The following PXDNL variants were observed in gnomAD, a reference collection of about 807,000 sequenced individuals.
PXDNL encodes peroxidasin like.
In PXDNL, 145 loss-of-function variants were observed where a neutral mutation model predicts 150.8. The ratio of observed to expected loss-of-function variants is 0.96; its 90% confidence interval spans 0.84 to 1.10. PXDNL has a LOEUF of 1.10. PXDNL is among the 50% of genes least tolerant of loss of function. PXDNL has a pLI of 0.00. For missense variants in PXDNL, 2,087 were observed against 1,873.9 expected (o/e 1.11, Z -2.10); for synonymous variants, 757 against 725.7 (o/e 1.04, Z -0.69).
intron 21 of PXDNL, among the ~76,000 whole-genome samples, chr8:51,326,815 T>C (rs1805509375): frequency 6.6e-6 from 1 of 152,034 alleles, no homozygotes; most frequent in Admixed American, 6.6e-5. Context: ...CAAATTCAAA[T>C]CTTGAGGTCC....
intron 19 of PXDNL, among the ~76,000 whole-genome samples, chr8:51,363,732 T>C (rs1399436685): frequency 6.6e-6 from 1 of 151,992 alleles, no homozygotes; most frequent in Non-Finnish European, 1.5e-5. Context: ...AGGCAGAAAT[T>C]GGGCATAAGA....
At chr8:51,508,311 T>A (rs1324550314) in intron 4 of PXDNL, among the ~76,000 whole-genome samples, 1 of 152,154 alleles carries the variant, frequency 6.6e-6, no homozygotes, top group African/African-American at 2.4e-5. Flanking sequence ...GTAAGAGAAA[T>A]GTAGAAAAGA....
chr8:51,786,367 C>G (rs1019645213), intron 1 of PXDNL, among the ~76,000 whole-genome samples: 1 of 152,128 alleles, frequency 6.6e-6, no homozygotes, highest in African/African-American at 2.4e-5. Flanking sequence ...CGCCACCACC[C>G]CCAGGTAATT....
chr8:51,688,830 C>T (rs1164224088), intron 1 of PXDNL, among the ~76,000 whole-genome samples: 1 of 152,188 alleles, frequency 6.6e-6, no homozygotes, highest in Non-Finnish European at 1.5e-5. Context: ...ACTACAAAAG[C>T]TAACTTCATT....
chr8:51,749,149 G>A (rs976177159), intron 1 of PXDNL, among the ~76,000 whole-genome samples: 8 of 152,082 alleles, frequency 5.3e-5, no homozygotes, highest in African/African-American at 1.9e-4. Context: ...TAATTATGTA[G>A]TACAAGGAGG....
chr8:51,638,175 T>C (rs902761467), intron 2 of PXDNL, among the ~76,000 whole-genome samples: 10 of 152,170 alleles, frequency 6.6e-5, no homozygotes, highest in African/African-American at 2.2e-4. Context: ...CCACCAGGCC[T>C]GCCCTAAAAG....
At chr8:51,616,026 C>T (rs1814122770) in intron 2 of PXDNL, among the ~76,000 whole-genome samples, 1 of 152,116 alleles carries the variant, frequency 6.6e-6, no homozygotes, top group Non-Finnish European at 1.5e-5. Flanking sequence ...GCAATGGCCC[C>T]ACATGCTAAA....
At chr8:51,760,845 C>CTTTTTTTGTTTT (rs2037154761) in intron 1 of PXDNL, among the ~76,000 whole-genome samples, 1 of 45,476 alleles carries the variant, frequency 2.2e-5, no homozygotes, top group Non-Finnish European at 3.8e-5. Flanking sequence ...ATCACTTAAA[C>CTTTTTTTGTTTT]TTTTTTTTTT....
At chr8:51,437,863 T>A (rs1052062192) in intron 12 of PXDNL, among the ~76,000 whole-genome samples, 2 of 152,096 alleles carry the variant, frequency 1.3e-5, no homozygotes, top group Admixed American at 1.3e-4. Context: ...AAAGAGGAAA[T>A]CAAACTCACT....
At chr8:51,392,170 T>C (rs1424670159) in intron 17 of PXDNL, among the ~76,000 whole-genome samples, 7 of 152,240 alleles carry the variant, frequency 4.6e-5, no homozygotes, top group Non-Finnish European at 8.8e-5. Context: ...AGTCAGGTAG[T>C]GTGATGCCTC....
intron 19 of PXDNL, among the ~76,000 whole-genome samples, chr8:51,356,733 T>C (rs1806521458): frequency 6.6e-6 from 1 of 152,210 alleles, no homozygotes; most frequent in South Asian, 2.1e-4. Flanking sequence ...ACTACAAATT[T>C]AGCATTTGTC....
chr8:51,341,993 T>C (rs537243706), intron 20 of PXDNL, among the ~76,000 whole-genome samples: 2 of 152,212 alleles, frequency 1.3e-5, no homozygotes, highest in South Asian at 2.1e-4. Context: ...ATCAAAGAGA[T>C]GTCTGCACTC....
chr8:51,796,600 T>C (rs985423257), intron 1 of PXDNL, among the ~76,000 whole-genome samples: 1 of 152,078 alleles, frequency 6.6e-6, no homozygotes, highest in African/African-American at 2.4e-5. Flanking sequence ...CCTAGACACA[T>C]ACACCCTTTC....
intron 1 of PXDNL, among the ~76,000 whole-genome samples, chr8:51,773,886 T>G (rs1353789573): frequency 1.3e-5 from 2 of 152,210 alleles, no homozygotes; most frequent in African/African-American, 4.8e-5. Flanking sequence ...AAAAAACTGA[T>G]TTGTAGCCTT....
intron 1 of PXDNL, among the ~76,000 whole-genome samples, chr8:51,764,172 A>G (rs1342459834): frequency 6.6e-6 from 1 of 152,034 alleles, no homozygotes; most frequent in Non-Finnish European, 1.5e-5. Flanking sequence ...GACTCTAGTA[A>G]TTTGTAGTAA....
chr8:51,760,845 C>CCTTTTTTTTT (rs2037154474), intron 1 of PXDNL, among the ~76,000 whole-genome samples: 1 of 45,478 alleles, frequency 2.2e-5, no homozygotes, highest in African/African-American at 8.9e-5. Flanking sequence ...ATCACTTAAA[C>CCTTTTTTTTT]TTTTTTTTTT....
chr8:51,534,910 G>A (rs1287595485), intron 4 of PXDNL, among the ~76,000 whole-genome samples: 1 of 100,402 alleles, frequency 1.0e-5, no homozygotes, highest in African/African-American at 6.6e-5. Context: ...CTGCCCGGCC[G>A]CCCCTAGGAA....
intron 17 of PXDNL, among the ~76,000 whole-genome samples, chr8:51,401,917 C>A (rs546549389): frequency 3.2e-4 from 48 of 152,214 alleles, no homozygotes; most frequent in African/African-American, 1.0e-3. Flanking sequence ...GATGCAAGGT[C>A]TTTAAAGGCT....
chr8:51,555,485 A>T (rs181420832), intron 4 of PXDNL, among the ~76,000 whole-genome samples: 282 of 152,310 alleles, frequency 1.9e-3, no homozygotes, highest in African/African-American at 5.5e-3. Context: ...ATTTAAAAAA[A>T]TTTTTTTGAT....
Sources: allele counts gnomAD v4.1 joint callset (sites outside exome capture counted in the v4.1 genomes callset), GRCh38; gene constraint gnomAD v4.1.1; transcripts MANE v1.5; gene names NCBI Gene and HGNC (gene_info 2026-07-23, HGNC 2026-07-21).